Variants in POLR3E observed in about 807,000 individuals in gnomAD.
POLR3E encodes RNA polymerase III subunit E.
In POLR3E, 41 loss-of-function variants were observed where a neutral mutation model predicts 96.6. The observed-to-expected ratio is 0.42, with a 90% CI of 0.33 to 0.55. POLR3E has a LOEUF of 0.55. Among genes scored for constraint, POLR3E ranks in the 20% least tolerant of loss-of-function variants. POLR3E has a pLI of 0.06. For synonymous variants in POLR3E, 396 were observed against 383.6 expected (o/e 1.03, Z -0.38); for missense variants, 849 against 952.1 (o/e 0.89, Z 1.43).
chr16:22,332,236 T>C (rs751351005), intron 20 of POLR3E, 51 bp downstream of exon 20: 20 of 1,568,214 alleles, frequency 1.3e-5, no homozygotes, highest in Non-Finnish European at 2.6e-6. Context: ...TGGAAGGGGC[T>C]GACAGTGTGT....
In POLR3E at chr16:22,326,063, C is replaced by T. The variant is rs1263344734; in HGVS notation, c.1651C>T (p.Gln551Ter). The T allele has an allele frequency of 3.1e-6, 5 of 1,611,306 alleles. No homozygotes were observed. Among genetic ancestry groups the T allele is most frequent in the Non-Finnish European group, 3.4e-6 (4 of 1,178,410 alleles). ...AGACAGCTTCAACGGGCACCCGCCC[C>T]AGGGCTGCGCCAGCACCCCTGTGGC... ...GTDSFNGHPP[Q>*]GCASTPVARE... The change falls in exon 18 of 21, where the codon CAG becomes TAG. Residue 551 changes from glutamine to a stop codon, truncating the protein, a stop_gained. Transcript: ENST00000299853. LOFTEE classifies it high-confidence loss of function.
At chr16:22,314,931 A>G in intron 8 of POLR3E, 158 bp from the exon 9 acceptor site, 1 of 676,180 alleles carries the variant, frequency 1.5e-6, no homozygotes, top group Non-Finnish European at 2.4e-6. Flanking sequence ...TCTGGGAGGG[A>G]CACGGTTGGA....
Position 22,315,158 on chromosome 16 carries a change from A to C in POLR3E, c.592A>C (p.Lys198Gln), listed in dbSNP as rs773778199. The C allele has an allele frequency of 3.8e-5, 61 of 1,611,166 alleles. No homozygotes were observed. The highest frequency in any genetic ancestry group is 5.1e-5 in the Non-Finnish European group (60 of 1,178,792). Residue 198 changes from lysine to glutamine, a missense_variant, in exon 9 of 21, where the codon AAG becomes CAG. Lys to Gln is a moderately conservative substitution (Grantham distance 53, BLOSUM62 1). Coordinates refer to ENST00000299853, the MANE Select transcript of POLR3E (RefSeq NM_018119.4). ...RRVQSYEFLQ[K>Q]KHAEEPWVHL... is the part of the protein sequence containing the mutation. ...TGTGCAGTCCTATGAGTTCCTGCAG[A>C]AGAAGCACGCAGAGGAGCCCTGGGT...
chr16:22,305,040 C>T, intron 2 of POLR3E, 116 bp from the exon 3 acceptor site: 2 of 804,962 alleles, frequency 2.5e-6, no homozygotes, highest in Non-Finnish European at 4.5e-6. Flanking sequence ...TTTCCTCCTT[C>T]CCCAAACTGC....
At chr16:22,325,553 G>A (rs1193169096) in intron 17 of POLR3E, among the ~76,000 whole-genome samples, 1 of 152,158 alleles carries the variant, frequency 6.6e-6, no homozygotes, top group Admixed American at 6.5e-5. Context: ...AAGAGCTGCT[G>A]GGGGGAGGAA....
In POLR3E at chr16:22,322,398, C is replaced by T. The variant is rs1465611032; in HGVS notation, c.987-452C>T. On this transcript the variant is annotated intron_variant, in intron 13 of 20. Coordinates refer to ENST00000299853, the MANE Select transcript of POLR3E (RefSeq NM_018119.4). This position sits in a 1 kb window ranked among gnomAD's most constrained non-coding sequence, Gnocchi z 5.2. ...CTCTCCGAGGGCTAACATGCCTCCC[C>T]TGCCTCTGACCTCGGTTCATGCCCA... Among the ~76,000 whole-genome samples the T allele has an allele frequency of 6.6e-6, 1 of 152,170 alleles. No homozygotes were observed. The highest frequency in any genetic ancestry group is 1.5e-5 in the Non-Finnish European group (1 of 68,034).
chr16:22,308,702 C>T (rs1195618104), intron 4 of POLR3E, among the ~76,000 whole-genome samples: 2 of 152,146 alleles, frequency 1.3e-5, no homozygotes, highest in South Asian at 2.1e-4. Context: ...AAGTAGAGGA[C>T]AAACAAGATT....
At chr16:22,302,880 G>A (rs1381989864) in intron 1 of POLR3E, 51 bp from the exon 2 acceptor site, 1 of 1,255,788 alleles carries the variant, frequency 8.0e-7, no homozygotes, top group Non-Finnish European at 1.2e-6. Context: ...TAGGCACAAG[G>A]AAATGTTGGT....
intron 13 of POLR3E, among the ~76,000 whole-genome samples, chr16:22,320,975 C>T (rs1469294910): frequency 1.3e-5 from 2 of 152,082 alleles, no homozygotes; most frequent in East Asian, 1.9e-4. Context: ...TCTACGGGTT[C>T]GTTTAGATGT....
At position 22,309,015 on chromosome 16, in the gene POLR3E, G is replaced by A. The variant is rs1465063735; in HGVS notation, c.256G>A (p.Ala86Thr). 2.5e-6 allele frequency: 4 copies of A among 1,613,422 alleles called. No individual in the cohort carries two copies. Among genetic ancestry groups the A allele is most frequent in the African/African-American group, 1.3e-5 (1 of 74,908 alleles). Residue 86 changes from alanine to threonine, a missense_variant, in exon 5 of 21, where the codon GCC becomes ACC. Physicochemically the swap from Ala to Thr is moderately conservative, Grantham distance 58. Coordinates refer to ENST00000299853, the MANE Select transcript of POLR3E (RefSeq NM_018119.4). ...QIALNVDGAC[A>T]DETSTYSSKL... The stretch of plus-strand genomic sequence containing the variant: ...TGCGCTGAACGTGGACGGGGCCTGC[G>A]CCGACGAGACCAGCACGTATTCCTC...
intron 1 of POLR3E, among the ~76,000 whole-genome samples, chr16:22,299,299 A>G (rs537130284): frequency 6.6e-6 from 1 of 152,278 alleles, no homozygotes; most frequent in South Asian, 2.1e-4. Flanking sequence ...TGAGGGGAAG[A>G]CAGAGACAAG....
Position 22,313,614 on chromosome 16 carries a change from C to G in POLR3E, c.365-6C>G. The G allele has an allele frequency of 2.5e-6, 4 of 1,598,914 alleles. No homozygotes were observed. The highest frequency in any genetic ancestry group is 3.4e-6 in the Non-Finnish European group (4 of 1,166,340). Reference sequence around the variant, plus strand: ...AGTTGAGTCCAAGCCCTTCTTCCTCCGCCAGGTGAGCTCCACCTGACACCT... The same window carrying G: ...AGTTGAGTCCAAGCCCTTCTTCCTCGGCCAGGTGAGCTCCACCTGACACCT... On this transcript the variant is annotated splice_polypyrimidine_tract_variant and splice_region_variant and intron_variant, in intron 6 of 20. Transcript: ENST00000299853. The surrounding 1 kb of genome is among the most constrained non-coding windows in gnomAD (Gnocchi z 4.1).
At chr16:22,325,464 G>C in intron 17 of POLR3E, 198 bp downstream of exon 17, 1 of 624,062 alleles carries the variant, frequency 1.6e-6, no homozygotes, top group South Asian at 1.9e-5. Flanking sequence ...AGGGACGGAG[G>C]CTTGCGGATT....
intron 19 of POLR3E, among the ~76,000 whole-genome samples, chr16:22,330,626 C>T (rs1362126701): frequency 6.6e-6 from 1 of 152,174 alleles, no homozygotes; most frequent in Non-Finnish European, 1.5e-5. Flanking sequence ...CGCTCTTCCC[C>T]ATGTCTGTTG....
rs926405155 is a variant in POLR3E at position 22,333,772 on chromosome 16, G to A, written c.*72G>A. 2.5e-5 allele frequency: 26 copies of A among 1,038,306 alleles called. No homozygotes were observed. The highest frequency in any genetic ancestry group is 3.4e-5 in the Non-Finnish European group (22 of 655,424). The allele number at this position is 1,038,306 out of a possible 1,614,324, so 64.3% of individuals were successfully genotyped here. On this transcript the variant is annotated 3_prime_UTR_variant, in exon 21 of 21. Transcript: ENST00000299853. Reference sequence around the variant, plus strand: ...AGGGCGGAACCAGAAGTAGGGCCTCGACTTGCTTCAGACGACACAGAGCAA... The same window carrying A: ...AGGGCGGAACCAGAAGTAGGGCCTCAACTTGCTTCAGACGACACAGAGCAA...
intron 18 of POLR3E, chr16:22,326,965 CT>C: frequency 6.5e-6 from 1 of 153,242 alleles, no homozygotes; most frequent in Non-Finnish European, 1.5e-5. Flanking sequence ...CCCTGGGCTG[CT>C]TTTCTGTCAC....
intron 18 of POLR3E, 97 bp downstream of exon 18, chr16:22,326,375 T>A: frequency 5.6e-6 from 6 of 1,065,872 alleles, no homozygotes; most frequent in African/African-American, 1.6e-5. Context: ...CCATGCTTGG[T>A]GAGCATCTGC....
At position 22,326,195 on chromosome 16, in the gene POLR3E, G is replaced by A. The variant is rs761673211; in HGVS notation, c.1783G>A (p.Gly595Ser). 12 of 1,613,874 alleles carry A rather than the reference G, an allele frequency of 7.4e-6. No individual in the cohort carries two copies. Among genetic ancestry groups the A allele is most frequent in the South Asian group, 1.1e-5 (1 of 91,072 alleles). The change falls in exon 18 of 21, where the codon GGC becomes AGC. Residue 595 changes from glycine to serine, a missense_variant. Physicochemically the swap from Gly to Ser is moderately conservative, Grantham distance 56. Transcript: ENST00000299853. The part of the protein sequence containing the change: ...FNLHLASLPP[G>S]HTLFSGISDR... The stretch of plus-strand genomic sequence containing the variant: ...TCTGCACTTGGCCAGCCTGCCCCCC[G>A]GCCACACACTCTTCAGCGGCATCTC...
At chr16:22,299,153 G>T (rs2047968630) in intron 1 of POLR3E, 1 of 415,160 alleles carries the variant, frequency 2.4e-6, no homozygotes, top group Middle Eastern at 3.6e-4. Flanking sequence ...ATCCTCTCCT[G>T]CAGGCGGTGA....
Sources: gnomAD v4.1 joint callset for allele counts (sites outside exome capture counted in the v4.1 genomes callset) on GRCh38, gnomAD v4.1.1 for gene constraint, Gnocchi (gnomAD v3.1) non-coding constraint, MANE v1.5 for transcripts, NCBI Gene and HGNC (gene_info 2026-07-23, HGNC 2026-07-21) for gene names.